The following L3MBTL4 variants were observed in gnomAD, a reference collection of about 807,000 sequenced individuals.
L3MBTL4 encodes the protein L3MBTL histone methyl-lysine binding protein 4, also known as lethal(3)malignant brain tumor-like protein 4.
A neutral mutation model predicts 84.5 loss-of-function variants in L3MBTL4; 70 were observed. The ratio of observed to expected loss-of-function variants is 0.83; its 90% CI spans 0.68 to 1.01. The LOEUF (loss-of-function observed/expected upper bound fraction) is 1.01, where lower values mean the gene tolerates loss of function less well. L3MBTL4 is among the 50% of genes least tolerant of loss of function. The pLI is 0.00. For synonymous variants in L3MBTL4, 274 were observed against 259.8 expected (o/e 1.05, Z -0.52); for missense variants, 715 against 754.8 (o/e 0.95, Z 0.62).
At chr18:6,185,994 A>ATTTTATTTTATTTTATTTTATTGTATT (rs113776309) in intron 12 of L3MBTL4, among the ~76,000 whole-genome samples, 1 of 145,994 alleles carries the variant, frequency 6.8e-6, no homozygotes, top group African/African-American at 2.7e-5. Flanking sequence ...ATTTTATTTT[A>ATTTTATTTTATTTTATTTTATTGTATT]TTATTTTATA....
chr18:6,206,291 T>A (rs1213049994), intron 12 of L3MBTL4, among the ~76,000 whole-genome samples: 4 of 152,180 alleles, frequency 2.6e-5, no homozygotes, highest in Non-Finnish European at 4.4e-5. Flanking sequence ...GAAATGTATA[T>A]CCCTAAAAAA....
chr18:6,388,230 A>G (rs1327211856), intron 1 of L3MBTL4, among the ~76,000 whole-genome samples: 1 of 152,238 alleles, frequency 6.6e-6, no homozygotes, highest in Non-Finnish European at 1.5e-5. Flanking sequence ...CCATAAAAAT[A>G]AAAGCACTAA....
chr18:6,138,425 G>A (rs1021847732), intron 13 of L3MBTL4, 129 bp from the exon 14 acceptor site: 10 of 581,320 alleles, frequency 1.7e-5, no homozygotes, highest in Admixed American at 6.2e-5. Flanking sequence ...ACCACTTACA[G>A]GTGACTTACG....
At chr18:6,065,961 G>T (rs559745291) in intron 16 of L3MBTL4, among the ~76,000 whole-genome samples, 1 of 151,982 alleles carries the variant, frequency 6.6e-6, no homozygotes, top group Admixed American at 6.6e-5. Flanking sequence ...GTCATTTTGT[G>T]CTGTTTCAGA....
chr18:6,185,502 G>T (rs1462232194), intron 12 of L3MBTL4, among the ~76,000 whole-genome samples: 1 of 152,154 alleles, frequency 6.6e-6, no homozygotes, highest in Non-Finnish European at 1.5e-5. Context: ...AGTGGCTGAA[G>T]TCCCACCGGA....
At chr18:6,409,675 C>A (rs1333726161) in intron 1 of L3MBTL4, among the ~76,000 whole-genome samples, 1 of 152,114 alleles carries the variant, frequency 6.6e-6, no homozygotes, top group Non-Finnish European at 1.5e-5. Flanking sequence ...CAAAACCCAC[C>A]ATCACCGAAA....
At chr18:6,100,935 G>C (rs1473619945) in intron 14 of L3MBTL4, among the ~76,000 whole-genome samples, 1 of 152,222 alleles carries the variant, frequency 6.6e-6, no homozygotes, top group Admixed American at 6.5e-5. Flanking sequence ...CTGGGGGCAG[G>C]CTGTAACCAC....
chr18:6,146,219 A>G (rs16949500), intron 13 of L3MBTL4, among the ~76,000 whole-genome samples: 7,533 of 152,224 alleles, frequency 0.049, 602 homozygotes, highest in African/African-American at 0.17. Flanking sequence ...GCTGCTCGGG[A>G]CCTGCTGTGC....
chr18:5,978,584 G>GC (rs2053065405), intron 16 of L3MBTL4, among the ~76,000 whole-genome samples: 1 of 152,092 alleles, frequency 6.6e-6, no homozygotes, highest in Non-Finnish European at 1.5e-5. Flanking sequence ...GCATCCTCCT[G>GC]CCCGGTCACT....
At chr18:6,318,656 A>C (rs930979966) in intron 1 of L3MBTL4, among the ~76,000 whole-genome samples, 1 of 152,024 alleles carries the variant, frequency 6.6e-6, no homozygotes, top group African/African-American at 2.4e-5. Flanking sequence ...CTAAAAAATG[A>C]GATAGAACAG....
At chr18:6,228,397 C>T (rs2046862717) in intron 10 of L3MBTL4, among the ~76,000 whole-genome samples, 1 of 152,048 alleles carries the variant, frequency 6.6e-6, no homozygotes. Flanking sequence ...ATTAATTGGG[C>T]ATCATCAAAA....
chr18:6,287,263 TA>T (rs149897845), intron 4 of L3MBTL4, among the ~76,000 whole-genome samples: 134 of 152,188 alleles, frequency 8.8e-4, no homozygotes, highest in African/African-American at 3.1e-3. Context: ...TTCTTTAAAC[TA>T]AAAGACCACA....
chr18:6,411,356 T>C (rs1423845943), intron 1 of L3MBTL4, among the ~76,000 whole-genome samples: 4 of 152,220 alleles, frequency 2.6e-5, no homozygotes, highest in African/African-American at 9.6e-5. Context: ...TGCTACAAGA[T>C]GGAAATGTTT....
intron 13 of L3MBTL4, among the ~76,000 whole-genome samples, chr18:6,161,731 CACTG>C (rs1333590437): frequency 2.0e-5 from 3 of 152,278 alleles, no homozygotes; most frequent in Middle Eastern, 3.4e-3. Context: ...CCCGGCTCAA[CACTG>C]CCCCGAGGTT....
intron 16 of L3MBTL4, among the ~76,000 whole-genome samples, chr18:6,014,562 C>A (rs2145423480): frequency 6.6e-6 from 1 of 152,134 alleles, no homozygotes; most frequent in African/African-American, 2.4e-5. Context: ...CAGGGGATGG[C>A]AAAGTGAGGG....
chr18:6,415,160 G>A (rs539914697), upstream of L3MBTL4: 1 of 152,242 alleles, frequency 6.6e-6, no homozygotes, highest in African/African-American at 2.4e-5. Flanking sequence ...GCTACTTCCT[G>A]CCTGCCAGCT....
At position 5,969,543 on chromosome 18, in the gene L3MBTL4, C is replaced by T. The variant is rs201894188; in HGVS notation, c.1464G>A (p.Ala488=). The T allele has an allele frequency of 1.8e-5, 29 of 1,608,402 alleles. No individual in the cohort carries two copies. Among genetic ancestry groups the T allele is most frequent in the Admixed American group, 1.5e-4 (9 of 59,626 alleles). ...NLFREYSVEQ[A]QQVLHQSVSM... is the part of the protein sequence containing the mutation. ...ACACTGACTGGTGAAGCACCTGCTG[C>T]GCCTGCTCCACCGAGTATTCTGTAA... The change falls in exon 17 of 19, where the codon GCG becomes GCA. Residue 488 remains alanine (A), a synonymous_variant. Coordinates refer to ENST00000317931, the MANE Select transcript of L3MBTL4 (RefSeq NM_001330559.2).
At chr18:5,968,139 C>T (rs1333613803) in intron 17 of L3MBTL4, among the ~76,000 whole-genome samples, 1 of 152,212 alleles carries the variant, frequency 6.6e-6, no homozygotes, top group South Asian at 2.1e-4. Context: ...GGACTTAAAC[C>T]AAGATTAAGC....
At chr18:6,134,222 C>T (rs1795808737) in intron 14 of L3MBTL4, among the ~76,000 whole-genome samples, 1 of 152,102 alleles carries the variant, frequency 6.6e-6, no homozygotes, top group African/African-American at 2.4e-5. Context: ...AAAGACCTGC[C>T]CCCATGATTC....
Sources: gnomAD v4.1 joint callset for allele counts (sites outside exome capture counted in the v4.1 genomes callset) on GRCh38, gnomAD v4.1.1 for gene constraint, MANE v1.5 for transcripts, NCBI Gene and HGNC (gene_info 2026-07-23, HGNC 2026-07-21) for gene names.